Variants in MTUS2 observed in about 807,000 individuals in gnomAD.
MTUS2 encodes microtubule-associated tumor suppressor candidate 2.
A neutral mutation model predicts 114.1 loss-of-function variants in MTUS2; 40 were observed. The observed-to-expected ratio is 0.35, with a 90% CI of 0.27 to 0.46. MTUS2 has a LOEUF of 0.46. Among genes scored for constraint, MTUS2 ranks in the 20% least tolerant of loss-of-function variants. The probability of loss-of-function intolerance (pLI) is 1.00; values close to 1 mark genes in which losing one functional copy is unlikely to be tolerated. For synonymous variants in MTUS2, 688 were observed against 672.0 expected (o/e 1.02, Z -0.37); for missense variants, 1,679 against 1,705.4 (o/e 0.98, Z 0.27).
chr13:29,024,053 C>A (rs1440887816), intron 2 of MTUS2, among the ~76,000 whole-genome samples: 3 of 152,182 alleles, frequency 2.0e-5, no homozygotes, highest in Non-Finnish European at 4.4e-5. Context: ...ATGTTTGTAC[C>A]TTTGGCATCC....
chr13:29,279,040 A>G (rs956384244), intron 5 of MTUS2, among the ~76,000 whole-genome samples: 5 of 152,202 alleles, frequency 3.3e-5, no homozygotes, highest in African/African-American at 1.2e-4. Flanking sequence ...CACATAGAGC[A>G]TACTATATAT....
chr13:29,081,589 C>A (rs1889443797), intron 4 of MTUS2, among the ~76,000 whole-genome samples: 1 of 144,972 alleles, frequency 6.9e-6, no homozygotes, highest in African/African-American at 2.5e-5. Flanking sequence ...AAAGTAATTG[C>A]AGTTTTTACC....
chr13:29,131,785 A>G (rs1234590880), intron 5 of MTUS2, among the ~76,000 whole-genome samples: 1 of 152,270 alleles, frequency 6.6e-6, no homozygotes, highest in African/African-American at 2.4e-5. Flanking sequence ...CAAAAGCAAC[A>G]CATGCTCACT....
rs988882257 is a variant in MTUS2, at chr13:29,087,920, G to A, written c.2447-12853G>A. 1.6e-4 allele frequency among the ~76,000 whole-genome samples: 24 copies of A among 152,162 alleles called. No homozygotes were observed. The East Asian group carries it at 3.5e-3, about 22-fold the overall frequency. On this transcript the variant is annotated intron_variant, in intron 4 of 15. Coordinates refer to ENST00000612955, the MANE Select transcript of MTUS2 (RefSeq NM_001033602.4). The stretch of plus-strand genomic sequence containing the variant: ...AAAAACACAAAAAAATTAGCCAGGC[G>A]TGGTGGTGGGTGCCTGTAGTCCCAG...
chr13:28,990,393 G>C lies in MTUS2; in HGVS notation c.-242-34064G>C, dbSNP rs550434695. 2.0e-5 allele frequency among the ~76,000 whole-genome samples: 3 copies of C among 152,220 alleles called. No individual in the cohort carries two copies. In the South Asian group the frequency reaches 6.2e-4, roughly 32 times the overall value. On this transcript the variant is annotated intron_variant, in intron 2 of 15. Transcript: ENST00000612955. The stretch of plus-strand genomic sequence containing the variant: ...CCAGCTGGACTTACTGGGTGTAGTG[G>C]GGGCATGAGAACTTTTCTGTCTAGC...
intron 1 of MTUS2, among the ~76,000 whole-genome samples, chr13:28,828,223 C>T (rs1022979749): frequency 6.6e-6 from 1 of 152,190 alleles, no homozygotes; most frequent in Non-Finnish European, 1.5e-5. Context: ...AGAAATATGG[C>T]TCTGTTCTGC....
At chr13:29,121,253 A>G (rs1028721266) in intron 5 of MTUS2, among the ~76,000 whole-genome samples, 12 of 152,210 alleles carry the variant, frequency 7.9e-5, no homozygotes, top group African/African-American at 2.9e-4. Context: ...TACTAAGAAT[A>G]ACTACAGAAA....
At chr13:29,397,026 G>A (rs964870828) in intron 8 of MTUS2, among the ~76,000 whole-genome samples, 3 of 152,180 alleles carry the variant, frequency 2.0e-5, no homozygotes, top group African/African-American at 7.2e-5. Flanking sequence ...TTGTGCTCTA[G>A]GAAAACCTAT....
At chr13:29,211,167 G>T (rs1022284147) in intron 5 of MTUS2, among the ~76,000 whole-genome samples, 1 of 152,106 alleles carries the variant, frequency 6.6e-6, no homozygotes, top group African/African-American at 2.4e-5. Context: ...GGAGGATGGG[G>T]GTGTGGTTCT....
chr13:29,348,626 C>T (rs1353067866), intron 7 of MTUS2, among the ~76,000 whole-genome samples: 1 of 152,248 alleles, frequency 6.6e-6, no homozygotes, highest in African/African-American at 2.4e-5. Flanking sequence ...TTTCTGTCTA[C>T]ATGTCCTACC....
intron 7 of MTUS2, among the ~76,000 whole-genome samples, chr13:29,348,390 T>C (rs1442526126): frequency 3.0e-5 from 3 of 101,230 alleles, no homozygotes; most frequent in African/African-American, 5.3e-5. Flanking sequence ...GTGTCAGAAG[T>C]TGGGGACAGA....
At position 29,025,384 on chromosome 13, in the gene MTUS2, T is replaced by G; in HGVS notation, c.686T>G (p.Phe229Cys). The G allele has an allele frequency of 6.2e-7, 1 of 1,613,840 alleles. No homozygotes were observed. Among genetic ancestry groups the G allele is most frequent in the Non-Finnish European group, 8.5e-7 (1 of 1,179,870 alleles). Residue 229 changes from phenylalanine to cysteine, a missense_variant, in exon 3 of 16, where the codon TTC becomes TGC. Phe to Cys is a radical substitution (Grantham distance 205). Coordinates refer to ENST00000612955, the MANE Select transcript of MTUS2 (RefSeq NM_001033602.4). ...TLPDHAVPAA[F>C]PATDSTSEGK... The stretch of plus-strand genomic sequence containing the variant: ...CCAGACCACGCTGTCCCGGCAGCTT[T>G]CCCTGCAACTGACAGTACCTCAGAG...
In MTUS2 at chr13:28,911,753, G is replaced by T. The variant is rs984353503; in HGVS notation, c.-243+71903G>T. On this transcript the variant is annotated intron_variant, in intron 2 of 15. Transcript: ENST00000612955. ...TTTTGATTTGTATTTCGTGATGATC[G>T]GTGATGTTGAGCTTTTTTTCATATG... is the stretch of plus-strand genomic sequence containing the variant. 2.6e-5 allele frequency among the ~76,000 whole-genome samples: 4 copies of T among 151,530 alleles called. No individual in the cohort carries two copies. The East Asian group carries it at 7.7e-4, about 29-fold the overall frequency.
At chr13:28,994,944 G>C (rs1285411434) in intron 2 of MTUS2, among the ~76,000 whole-genome samples, 1 of 152,046 alleles carries the variant, frequency 6.6e-6, no homozygotes, top group Non-Finnish European at 1.5e-5. Context: ...TGTTGCCATT[G>C]CTTTTGGTGT....
At chr13:29,207,348 A>G (rs1195466688) in intron 5 of MTUS2, among the ~76,000 whole-genome samples, 5 of 152,166 alleles carry the variant, frequency 3.3e-5, no homozygotes, top group Non-Finnish European at 7.4e-5. Flanking sequence ...GTTTCTAGGT[A>G]TACCATTATA....
At position 29,135,774 on chromosome 13, in the gene MTUS2, C is replaced by G. The variant is rs138446173; in HGVS notation, c.2644+34804C>G. On this transcript the variant is annotated intron_variant, in intron 5 of 15. Transcript: ENST00000612955. The stretch of plus-strand genomic sequence containing the variant: ...TATAACACTCTAATTTAAATTTATG[C>G]TAGTTAAACTTCAATAACATACAAA... Among the ~76,000 whole-genome samples, 1,394 of 152,214 alleles carry G rather than the reference C, an allele frequency of 9.2e-3. 14 individuals carry two copies. Among genetic ancestry groups the G allele is most frequent in the Middle Eastern group, 0.034 (10 of 294 alleles).
chr13:29,325,381 G>T (rs578179669), intron 7 of MTUS2, among the ~76,000 whole-genome samples: 9 of 151,460 alleles, frequency 5.9e-5, no homozygotes, highest in East Asian at 2.0e-4. Flanking sequence ...ACTTGAACTC[G>T]AGAGGTGGAG....
chr13:29,464,756 G>C (rs1879767979), intron 9 of MTUS2, among the ~76,000 whole-genome samples: 2 of 151,734 alleles, frequency 1.3e-5, no homozygotes, highest in Admixed American at 6.5e-5. Context: ...AAGAAGCACT[G>C]TCTGCTTACA....
intron 5 of MTUS2, among the ~76,000 whole-genome samples, chr13:29,129,912 G>A (rs1891685612): frequency 6.6e-6 from 1 of 152,106 alleles, no homozygotes; most frequent in Non-Finnish European, 1.5e-5. Flanking sequence ...TTGAGGATTA[G>A]TTTTATTTTT....
Sources: allele counts gnomAD v4.1 joint callset (sites outside exome capture counted in the v4.1 genomes callset), GRCh38; gene constraint gnomAD v4.1.1; transcripts MANE v1.5; gene names NCBI Gene and HGNC (gene_info 2026-07-23, HGNC 2026-07-21).